Variants in ANK3 observed in about 807,000 individuals in gnomAD.
ANK3 encodes the protein ankyrin 3.
ANK3 carries 57 observed loss-of-function variants against 370.9 expected under a neutral mutation model. The observed-to-expected ratio is 0.15, with a 90% CI of 0.12 to 0.19. The LOEUF is 0.19. ANK3 is among the 10% of genes least tolerant of loss of function. ANK3 has a pLI of 1.00. For synonymous variants in ANK3, 1,929 were observed against 1,946.3 expected (o/e 0.99, Z 0.23); for missense variants, 4,439 against 5,302.1 (o/e 0.84, Z 5.06).
intron 36 of ANK3, among the ~76,000 whole-genome samples, chr10:60,079,168 CCTAGCT>C (rs1327393526): frequency 7.5e-6 from 1 of 132,788 alleles, no homozygotes; most frequent in Non-Finnish European, 1.6e-5. Flanking sequence ...CACCTAGCTA[CCTAGCT>C]ACACACACAC....
chr10:60,444,217 G>A (rs929282892), intron 2 of ANK3, among the ~76,000 whole-genome samples: 1 of 151,566 alleles, frequency 6.6e-6, no homozygotes, highest in Non-Finnish European at 1.5e-5. Context: ...AACTGATTAT[G>A]GTATCAGAAT....
chr10:60,132,770 C>T (rs556595725), intron 25 of ANK3, among the ~76,000 whole-genome samples: 49 of 151,800 alleles, frequency 3.2e-4, no homozygotes, highest in Middle Eastern at 3.4e-3. Flanking sequence ...ATGCCCACCA[C>T]GACACCTGGC....
Position 60,076,209 on chromosome 10 carries a change from T to C in ANK3, c.4672A>G (p.Thr1558Ala), listed in dbSNP as rs776249996. 6 of 1,614,052 alleles carry C rather than the reference T, an allele frequency of 3.7e-6. No individual in the cohort carries two copies. In the East Asian group the frequency reaches 8.9e-5, roughly 24 times the overall value. The change falls in exon 37 of 44, where the codon ACA becomes GCA. Residue 1558 changes from threonine (T) to alanine (A), a missense_variant. By Grantham distance (58) the Thr-to-Ala change is moderately conservative. Coordinates refer to ENST00000280772, the MANE Select transcript of ANK3 (RefSeq NM_020987.5). ...PIKSTLGAST[T>A]SSVKSISDVA... ...TCACTAATGGATTTAACTGAAGATGTAGTTGACGCGCCTAATGTGGATTTG... is the reference window on the plus strand; with the variant it reads ...TCACTAATGGATTTAACTGAAGATGCAGTTGACGCGCCTAATGTGGATTTG...
chr10:60,470,219 A>G (rs1001500156), intron 2 of ANK3, among the ~76,000 whole-genome samples: 3 of 152,096 alleles, frequency 2.0e-5, no homozygotes, highest in African/African-American at 7.2e-5. Context: ...GGAAATGTGT[A>G]TTTTACAGCT....
In ANK3 at chr10:60,165,503, G is replaced by A. The variant is rs956739658; in HGVS notation, c.2614+1088C>T. Among the ~76,000 whole-genome samples the A allele has an allele frequency of 3.3e-5, 5 of 152,142 alleles. No homozygotes were observed. In the South Asian group the frequency reaches 1.0e-3, roughly 32 times the overall value. On this transcript the variant is annotated intron_variant, in intron 23 of 43. Transcript: ENST00000280772. ...ATCCTCCGAGGTCCCTAAATGACCA[G>A]CAGGACATTAGCTCACTGGGGTGTG...
At chr10:60,682,858 T>C (rs910853819) in intron 1 of ANK3, among the ~76,000 whole-genome samples, 1 of 152,212 alleles carries the variant, frequency 6.6e-6, no homozygotes. Context: ...CACAGGTAAA[T>C]GTTTCCCTGA....
At chr10:60,235,388 C>A (rs1426510658) in intron 7 of ANK3, among the ~76,000 whole-genome samples, 1 of 152,058 alleles carries the variant, frequency 6.6e-6, no homozygotes, top group East Asian at 1.9e-4. Context: ...TGAAGAATAA[C>A]CAGATTGTTA....
intron 23 of ANK3, among the ~76,000 whole-genome samples, chr10:60,144,010 C>T (rs1320577218): frequency 1.3e-5 from 2 of 152,192 alleles, no homozygotes; most frequent in South Asian, 2.1e-4. Context: ...AGCCAACGCT[C>T]AGCTGTCGCT....
At position 60,074,326 on chromosome 10, in the gene ANK3, C is replaced by A. The variant is rs144465058; in HGVS notation, c.6555G>T (p.Gln2185His). 4.4e-4 allele frequency: 716 copies of A among 1,613,994 alleles called. 1 individual carries two copies. The highest frequency in any genetic ancestry group is 5.5e-4 in the Non-Finnish European group (654 of 1,179,976). ...GTGACACAGGCTCCTCTGGTTGGGT[C>A]TGGGGAACATCCCCAGCTGAGGGAT... ...SYDPSAGDVPQTQPEEPVSPK... is the reference protein window; with the variant it reads ...SYDPSAGDVPHTQPEEPVSPK... The change falls in exon 37 of 44, where the codon CAG becomes CAT. Residue 2185 changes from glutamine (Q) to histidine (H), a missense_variant. By Grantham distance (24) the Gln-to-His change is conservative (BLOSUM62 0). Coordinates refer to ENST00000280772, the MANE Select transcript of ANK3 (RefSeq NM_020987.5).
intron 1 of ANK3, among the ~76,000 whole-genome samples, chr10:60,635,950 G>T (rs1432900073): frequency 2.6e-5 from 4 of 152,106 alleles, no homozygotes; most frequent in African/African-American, 9.7e-5. Flanking sequence ...ATATTTCACA[G>T]CCATATAAGC....
intron 8 of ANK3, among the ~76,000 whole-genome samples, chr10:60,232,038 A>G (rs1469295538): frequency 3.9e-5 from 6 of 152,136 alleles, no homozygotes; most frequent in African/African-American, 1.4e-4. Flanking sequence ...TGGTACTTTC[A>G]TCAGAGGAAT....
intron 7 of ANK3, among the ~76,000 whole-genome samples, chr10:60,238,628 T>A (rs559945039): frequency 2.0e-5 from 3 of 151,974 alleles, no homozygotes; most frequent in Admixed American, 6.6e-5. Context: ...GTGCTGCAGG[T>A]GTGCAGAGAA....
chr10:60,089,650 T>A (rs895692722), intron 28 of ANK3, among the ~76,000 whole-genome samples: 1 of 152,174 alleles, frequency 6.6e-6, no homozygotes, highest in East Asian at 1.9e-4. Context: ...ACGGAGAATT[T>A]ATCTTATATG....
rs180679464 is a variant in ANK3 at position 60,278,627 on chromosome 10, T to C, written c.414+147A>G. On this transcript the variant is annotated intron_variant, in intron 4 of 43. Coordinates refer to ENST00000280772, the MANE Select transcript of ANK3 (RefSeq NM_020987.5). ...CTCAAGTGATCTGCCCGCCTTTGCC[T>C]TCCAAAGTGTGCCAAATATAACTTT... 4.3e-5 allele frequency: 28 copies of C among 657,408 alleles called. No individual in the cohort carries two copies. The Admixed American group carries it at 6.6e-4, about 15-fold the overall frequency. 40.7% of individuals were successfully genotyped at this position (657,408 alleles called of 1,614,324 possible).
At chr10:60,596,662 T>C (rs1371191804) in intron 2 of ANK3, among the ~76,000 whole-genome samples, 2 of 152,166 alleles carry the variant, frequency 1.3e-5, no homozygotes, top group Non-Finnish European at 2.9e-5. Flanking sequence ...GCAAATCCAA[T>C]ATACAAAAGT....
chr10:60,346,751 C>T (rs934304334), intron 1 of ANK3, among the ~76,000 whole-genome samples: 1 of 152,000 alleles, frequency 6.6e-6, no homozygotes, highest in Admixed American at 6.6e-5. Flanking sequence ...AGCTATGCCT[C>T]ATGTCTTTTG....
chr10:60,224,317 C>T (rs1157355655), intron 8 of ANK3, among the ~76,000 whole-genome samples: 1 of 152,150 alleles, frequency 6.6e-6, no homozygotes, highest in Admixed American at 6.5e-5. Context: ...GCAACACAAA[C>T]TGGCTAGTCC....
At chr10:60,170,059 C>A (rs185681956) in intron 21 of ANK3, among the ~76,000 whole-genome samples, 22 of 152,066 alleles carry the variant, frequency 1.4e-4, no homozygotes, top group Non-Finnish European at 2.2e-4. Context: ...TATTAGCAAC[C>A]AATATCTGTG....
At chr10:60,521,309 GT>G (rs2133181926) in intron 2 of ANK3, among the ~76,000 whole-genome samples, 1 of 152,100 alleles carries the variant, frequency 6.6e-6, no homozygotes, top group African/African-American at 2.4e-5. Flanking sequence ...ACCTAGTACA[GT>G]TTTCCATCCT....
Sources: allele counts gnomAD v4.1 joint callset (sites outside exome capture counted in the v4.1 genomes callset), GRCh38; gene constraint gnomAD v4.1.1; transcripts MANE v1.5; gene names NCBI Gene and HGNC (gene_info 2026-07-23, HGNC 2026-07-21).